Variants in LEMD3 observed in about 807,000 individuals in gnomAD.
LEMD3 encodes LEM domain containing 3.
A neutral mutation model predicts 95.2 loss-of-function variants in LEMD3; 33 were observed. The observed-to-expected ratio is 0.35, with a 90% CI of 0.26 to 0.46. The LOEUF (loss-of-function observed/expected upper bound fraction) is 0.46. Among genes scored for constraint, LEMD3 ranks in the 20% least tolerant of loss-of-function variants. The probability of loss-of-function intolerance (pLI) is 1.00; values close to 1 mark genes in which losing one functional copy is unlikely to be tolerated. For synonymous variants in LEMD3, 525 were observed against 474.6 expected, an observed-to-expected ratio of 1.11 and a Z score of -1.38; for missense variants, 1,210 against 1,192.8, an observed-to-expected ratio of 1.01 and a Z score of -0.21.
At chr12:65,199,634 T>A (rs2136329437) in intron 1 of LEMD3, among the ~76,000 whole-genome samples, 2 of 152,264 alleles carry the variant, frequency 1.3e-5, no homozygotes, top group South Asian at 4.1e-4. Flanking sequence ...TTACAATGAA[T>A]CTTCTAGGTC....
At chr12:65,227,101 A>C (rs578044337) in intron 4 of LEMD3, among the ~76,000 whole-genome samples, 1 of 152,308 alleles carries the variant, frequency 6.6e-6, no homozygotes, top group Non-Finnish European at 1.5e-5. Context: ...GTGTTATGGG[A>C]TGGACGAATG....
chr12:65,173,507 G>A (rs1868620288), intron 1 of LEMD3, among the ~76,000 whole-genome samples: 1 of 151,290 alleles, frequency 6.6e-6, no homozygotes, highest in Admixed American at 6.6e-5. Flanking sequence ...CTGAATGACT[G>A]TGGTCAAGCT....
At chr12:65,196,339 C>A (rs529011208) in intron 1 of LEMD3, among the ~76,000 whole-genome samples, 1 of 152,026 alleles carries the variant, frequency 6.6e-6, no homozygotes, top group South Asian at 2.1e-4. Context: ...CCAAAAAAAA[C>A]CCCAAACAGA....
intron 1 of LEMD3, among the ~76,000 whole-genome samples, chr12:65,175,446 C>T (rs1868687861): frequency 6.6e-6 from 1 of 152,164 alleles, no homozygotes; most frequent in African/African-American, 2.4e-5. Flanking sequence ...TCAACCCTGT[C>T]TAGTTTAGCT....
chr12:65,233,037 A>T (rs1870675742), intron 4 of LEMD3, among the ~76,000 whole-genome samples: 1 of 152,260 alleles, frequency 6.6e-6, no homozygotes, highest in South Asian at 2.1e-4. Flanking sequence ...TTATGATAAT[A>T]ATTAAGGTTT....
chr12:65,223,413 C>T (rs1443168971), intron 4 of LEMD3, among the ~76,000 whole-genome samples: 2 of 151,248 alleles, frequency 1.3e-5, no homozygotes, highest in East Asian at 3.9e-4. Context: ...AAGTGATCCT[C>T]CTGCCTCAGC....
intron 1 of LEMD3, 60 bp from the exon 2 acceptor site, chr12:65,210,866 T>G: frequency 1.6e-6 from 2 of 1,254,350 alleles, no homozygotes; most frequent in Non-Finnish European, 2.4e-6. Flanking sequence ...AGAGAGTTTG[T>G]TTGGGGGATT....
intron 3 of LEMD3, among the ~76,000 whole-genome samples, chr12:65,216,648 A>G (rs1870120424): frequency 6.6e-6 from 1 of 151,570 alleles, no homozygotes; most frequent in Admixed American, 6.6e-5. Flanking sequence ...TTTTAAACAT[A>G]TAATCTGAAA....
At chr12:65,223,540 T>C (rs936409703) in intron 4 of LEMD3, among the ~76,000 whole-genome samples, 2 of 152,056 alleles carry the variant, frequency 1.3e-5, no homozygotes, top group Non-Finnish European at 2.9e-5. Flanking sequence ...CTAATATGAG[T>C]ATGGCTACCC....
chr12:65,188,520 G>A (rs1479007735), intron 1 of LEMD3, among the ~76,000 whole-genome samples: 1 of 152,154 alleles, frequency 6.6e-6, no homozygotes, highest in Non-Finnish European at 1.5e-5. Context: ...GGTGGTTTCT[G>A]ATTGGGTATG....
At chr12:65,239,458 G>T (rs1231082829) in intron 6 of LEMD3, among the ~76,000 whole-genome samples, 1 of 152,132 alleles carries the variant, frequency 6.6e-6, no homozygotes, top group Non-Finnish European at 1.5e-5. Flanking sequence ...TGAGGTAGGA[G>T]GATTTCTTGA....
intron 4 of LEMD3, among the ~76,000 whole-genome samples, chr12:65,219,734 G>C (rs529110774): frequency 4.7e-4 from 72 of 152,028 alleles, no homozygotes; most frequent in African/African-American, 1.7e-3. Context: ...CATATCCCTG[G>C]CAACCACCAT....
chr12:65,236,600 T>C (rs1870780316), intron 4 of LEMD3, among the ~76,000 whole-genome samples: 1 of 152,038 alleles, frequency 6.6e-6, no homozygotes, highest in Non-Finnish European at 1.5e-5. Context: ...AAAGACATAC[T>C]AATAATACAA....
intron 1 of LEMD3, among the ~76,000 whole-genome samples, chr12:65,187,319 C>G (rs1485500440): frequency 6.6e-6 from 1 of 151,974 alleles, no homozygotes; most frequent in Non-Finnish European, 1.5e-5. Flanking sequence ...GAGACTTTAA[C>G]AATTCAATTC....
chr12:65,243,534 T>A (rs1364600320), intron 10 of LEMD3, 65 bp downstream of exon 10: 2 of 898,812 alleles, frequency 2.2e-6, no homozygotes, highest in African/African-American at 3.2e-5. Context: ...AAATGCATGA[T>A]ATTCTTATAA....
At chr12:65,200,355 G>T (rs1343794077) in intron 1 of LEMD3, among the ~76,000 whole-genome samples, 1 of 152,044 alleles carries the variant, frequency 6.6e-6, no homozygotes, top group Non-Finnish European at 1.5e-5. Context: ...CCATTCTGTT[G>T]AGTGTACTTC....
At chr12:65,241,137 A>G in intron 9 of LEMD3, 50 bp downstream of exon 9, 2 of 1,468,412 alleles carry the variant, frequency 1.4e-6, no homozygotes, top group African/African-American at 2.8e-5. Context: ...ATTTTTCAAA[A>G]TGACAAATAT....
rs1445910128 is a variant in LEMD3 at position 65,240,253 on chromosome 12, T to C, written c.2126+15T>C. ...CCTCATGACAGGTGTGTTCAAAGCA[T>C]TATGAGTTCAAGTAAATCAGAAAAT... On this transcript the variant is annotated intron_variant, in intron 8 of 12. Coordinates refer to ENST00000308330, the MANE Select transcript of LEMD3 (RefSeq NM_014319.5). 6.4e-7 allele frequency: 1 copy of C among 1,562,324 alleles called. No homozygotes were observed. The highest frequency in any genetic ancestry group is 1.7e-5 in the Admixed American group (1 of 59,944).
intron 6 of LEMD3, 42 bp downstream of exon 6, chr12:65,238,856 A>T: frequency 6.2e-7 from 1 of 1,604,084 alleles, no homozygotes; most frequent in East Asian, 2.2e-5. Flanking sequence ...TGCAGCCTGA[A>T]TTTTTGTGTG....
Sources: allele counts gnomAD v4.1 joint callset (sites outside exome capture counted in the v4.1 genomes callset), GRCh38; gene constraint gnomAD v4.1.1; transcripts MANE v1.5; gene names NCBI Gene and HGNC (gene_info 2026-07-23, HGNC 2026-07-21).